EPHA6: variants seen among roughly 807,000 people sequenced by gnomAD.
EPHA6 encodes ephrin type-A receptor 6.
In EPHA6, 50 loss-of-function variants were observed where a neutral mutation model predicts 112.0. The ratio of observed to expected loss-of-function variants is 0.45; its 90% confidence interval spans 0.36 to 0.56. The LOEUF is 0.56. EPHA6 is among the 20% of genes least tolerant of loss of function. EPHA6 has a pLI of 0.00. For missense variants in EPHA6, 1,280 were observed against 1,417.4 expected (o/e 0.90, Z 1.56); for synonymous variants, 529 against 490.7 (o/e 1.08, Z -1.03).
At chr3:96,887,152 G>T (rs1417702374) in intron 2 of EPHA6, among the ~76,000 whole-genome samples, 1 of 152,016 alleles carries the variant, frequency 6.6e-6, no homozygotes, top group South Asian at 2.1e-4. Flanking sequence ...GGGGGGGCGA[G>T]GTTGAAGAGC....
intron 5 of EPHA6, among the ~76,000 whole-genome samples, chr3:97,321,049 C>T (rs1192691943): frequency 1.3e-5 from 2 of 151,776 alleles, no homozygotes; most frequent in Non-Finnish European, 2.9e-5. Context: ...TTATTTTGAC[C>T]TTTCATATGA....
intron 5 of EPHA6, among the ~76,000 whole-genome samples, chr3:97,248,618 G>A (rs964707084): frequency 1.3e-5 from 2 of 152,050 alleles, no homozygotes; most frequent in African/African-American, 4.8e-5. Flanking sequence ...GAAGCAAGTT[G>A]TCCAATTCAT....
chr3:97,281,157 T>C (rs896799187), intron 5 of EPHA6, among the ~76,000 whole-genome samples: 27 of 152,034 alleles, frequency 1.8e-4, no homozygotes, highest in Admixed American at 1.8e-3. Flanking sequence ...ATTTACACTT[T>C]GTAAAGCTAT....
At chr3:96,841,118 G>T (rs1429910220) in intron 1 of EPHA6, among the ~76,000 whole-genome samples, 2 of 152,078 alleles carry the variant, frequency 1.3e-5, no homozygotes, top group African/African-American at 4.8e-5. Flanking sequence ...ATATGTGTAA[G>T]ATGTACATTG....
At chr3:96,858,571 G>C (rs914053752) in intron 1 of EPHA6, among the ~76,000 whole-genome samples, 5 of 152,104 alleles carry the variant, frequency 3.3e-5, no homozygotes, top group Non-Finnish European at 7.3e-5. Context: ...GAAAGGCGCT[G>C]TTATCAATTC....
At chr3:97,106,605 T>G (rs1402850409) in intron 3 of EPHA6, among the ~76,000 whole-genome samples, 2 of 152,066 alleles carry the variant, frequency 1.3e-5, no homozygotes, top group African/African-American at 4.8e-5. Context: ...GTGATCTAAT[T>G]CTTCCGGTAC....
chr3:97,038,127 A>G (rs2045177033), intron 3 of EPHA6, among the ~76,000 whole-genome samples: 1 of 152,058 alleles, frequency 6.6e-6, no homozygotes, highest in African/African-American at 2.4e-5. Context: ...GATATCCTTC[A>G]TGTTAAATAT....
At chr3:97,588,918 T>G (rs1309862625) in intron 11 of EPHA6, among the ~76,000 whole-genome samples, 1 of 152,200 alleles carries the variant, frequency 6.6e-6, no homozygotes, top group Non-Finnish European at 1.5e-5. Flanking sequence ...GGAATACATG[T>G]GCGGGTTTGT....
At chr3:97,347,642 G>A (rs2083598554) in intron 5 of EPHA6, among the ~76,000 whole-genome samples, 1 of 152,018 alleles carries the variant, frequency 6.6e-6, no homozygotes, top group South Asian at 2.1e-4. Context: ...GGTTAAATCA[G>A]TTAAGCTAAT....
chr3:97,079,728 A>G lies in EPHA6; in HGVS notation c.1114+91735A>G, dbSNP rs138227381. 8.0e-3 allele frequency among the ~76,000 whole-genome samples: 1,221 copies of G among 152,154 alleles called. 6 individuals are homozygous for G. Among genetic ancestry groups the G allele is most frequent in the Non-Finnish European group, 0.013 (856 of 67,996 alleles). On this transcript the variant is annotated intron_variant, in intron 3 of 17. Transcript: ENST00000389672. ...AATACTACAAAGAAATTTTTCATGA[A>G]AGGAAGAGTCCATTGATGCAGCAAA...
At chr3:96,818,356 A>G (rs891219279) in intron 1 of EPHA6, among the ~76,000 whole-genome samples, 2 of 151,972 alleles carry the variant, frequency 1.3e-5, no homozygotes, top group Non-Finnish European at 2.9e-5. Context: ...CAAATAATCA[A>G]TTGCATACTC....
At chr3:97,181,447 C>G (rs535571483) in intron 3 of EPHA6, among the ~76,000 whole-genome samples, 3 of 152,054 alleles carry the variant, frequency 2.0e-5, no homozygotes, top group Admixed American at 6.6e-5. Flanking sequence ...ACATCTTTCT[C>G]TGCCCTCCTC....
intron 11 of EPHA6, among the ~76,000 whole-genome samples, chr3:97,541,043 G>C (rs1197900608): frequency 5.3e-5 from 8 of 152,060 alleles, no homozygotes; most frequent in Non-Finnish European, 1.2e-4. Flanking sequence ...GTTTCTAATG[G>C]TCTTATGTAG....
chr3:96,865,993 A>T (rs917815572), intron 1 of EPHA6, among the ~76,000 whole-genome samples: 2 of 151,958 alleles, frequency 1.3e-5, no homozygotes, highest in Non-Finnish European at 2.9e-5. Context: ...CTGAGAACTG[A>T]TTTAGTCATA....
At chr3:96,892,969 TGTGTGTGTGTGTTC>T in intron 2 of EPHA6, among the ~76,000 whole-genome samples, 1 of 132,050 alleles carries the variant, frequency 7.6e-6, no homozygotes, top group East Asian at 3.0e-4. Context: ...TGTGTGTGTG[TGTGTGTGTGTGTTC>T]GTGTGTGTGT....
rs879752577 is a variant in EPHA6, at chr3:97,759,339, G to A, written c.*10638G>A. Among the ~76,000 whole-genome samples the A allele has an allele frequency of 5.3e-5, 8 of 151,956 alleles. No homozygotes were observed. Among genetic ancestry groups the A allele is most frequent in the Admixed American group, 1.3e-4 (2 of 15,250 alleles). On this transcript the variant is annotated 3_prime_UTR_variant, in exon 18 of 18. Coordinates refer to ENST00000389672, the MANE Select transcript of EPHA6 (RefSeq NM_001080448.3). The stretch of plus-strand genomic sequence containing the variant: ...GACATGGATTAAGGCGAGATGTAAA[G>A]GAAGGAGGTGAAATCACTATCTATA...
intron 4 of EPHA6, among the ~76,000 whole-genome samples, chr3:97,234,964 G>A (rs1307615529): frequency 6.6e-6 from 1 of 151,918 alleles, no homozygotes; most frequent in African/African-American, 2.4e-5. Context: ...CCAAACTCCT[G>A]GACTTCAAAG....
intron 3 of EPHA6, among the ~76,000 whole-genome samples, chr3:97,217,909 A>G (rs954829855): frequency 2.6e-5 from 4 of 152,208 alleles, no homozygotes; most frequent in Admixed American, 6.5e-5. Context: ...GAAAAGCCAT[A>G]GAGTATGTAC....
At chr3:97,710,580 C>G (rs941866054) in intron 14 of EPHA6, among the ~76,000 whole-genome samples, 1 of 152,146 alleles carries the variant, frequency 6.6e-6, no homozygotes, top group African/African-American at 2.4e-5. Flanking sequence ...TTTTAATTCA[C>G]TGGGGTATTA....
Sources: gnomAD v4.1 joint callset for allele counts (sites outside exome capture counted in the v4.1 genomes callset) on GRCh38, gnomAD v4.1.1 for gene constraint, MANE v1.5 for transcripts, NCBI Gene and HGNC (gene_info 2026-07-23, HGNC 2026-07-21) for gene names.